The following CLASP1 variants were observed in gnomAD, a reference collection of about 807,000 sequenced individuals.
CLASP1 encodes the protein CLIP-associating protein 1.
A neutral mutation model predicts 192.3 loss-of-function variants in CLASP1; 38 were observed. That is an observed-to-expected ratio of 0.20 (90% CI 0.15 to 0.26). CLASP1 has a LOEUF of 0.26. Among genes scored for constraint, CLASP1 ranks in the 10% least tolerant of loss-of-function variants. The pLI, the probability that CLASP1 is intolerant of heterozygous loss-of-function variation, is 1.00. For synonymous variants in CLASP1, 691 were observed against 712.8 expected, an observed-to-expected ratio of 0.97 and a Z score of 0.49; for missense variants, 1,433 against 1,932.5, an observed-to-expected ratio of 0.74 and a Z score of 4.85.
intron 19 of CLASP1, among the ~76,000 whole-genome samples, chr2:121,436,780 TC>T (rs1380231571): frequency 6.6e-5 from 10 of 152,098 alleles, no homozygotes; most frequent in African/African-American, 2.4e-4. Flanking sequence ...TGCCCCATTC[TC>T]CCTCTTCTTC....
At chr2:121,398,352 A>G (rs2075627787) in exon 29 of CLASP1, 1 of 1,600,006 alleles carries the variant, frequency 6.2e-7, no homozygotes, top group South Asian at 1.1e-5. Context: ...TTTGATCCAC[A>G]ATAAATCTCA....
chr2:121,382,141 C>T (rs2071829067), intron 33 of CLASP1, 67 bp downstream of exon 34: 2 of 1,305,158 alleles, frequency 1.5e-6, no homozygotes, highest in African/African-American at 2.9e-5. Context: ...TCCCAAAGAC[C>T]TGAGACGACC....
At chr2:121,553,296 G>A (rs1168193067) in intron 2 of CLASP1, among the ~76,000 whole-genome samples, 1 of 152,120 alleles carries the variant, frequency 6.6e-6, no homozygotes, top group Non-Finnish European at 1.5e-5. Flanking sequence ...CCTGTGACAT[G>A]AGTTCACCTC....
intron 19 of CLASP1, among the ~76,000 whole-genome samples, chr2:121,432,369 C>A (rs559544326): frequency 1.3e-5 from 2 of 152,178 alleles, no homozygotes; most frequent in South Asian, 4.1e-4. Flanking sequence ...TCCACCCGCC[C>A]TGGCCTCCTA....
chr2:121,366,863 C>G (rs1331802596), intron 35 of CLASP1, among the ~76,000 whole-genome samples: 1 of 152,178 alleles, frequency 6.6e-6, no homozygotes, highest in African/African-American at 2.4e-5. Context: ...CAAATACATA[C>G]TCATCACTCA....
At chr2:121,340,995 A>T in intron 39 of CLASP1, 48 bp from the exon 41 acceptor site, 1 of 1,318,840 alleles carries the variant, frequency 7.6e-7, no homozygotes, top group Non-Finnish European at 1.1e-6. Flanking sequence ...AAGCAATCAG[A>T]AAGTAGAAAA....
intron 1 of CLASP1, among the ~76,000 whole-genome samples, chr2:121,626,478 G>A (rs2106169764): frequency 6.6e-6 from 1 of 152,334 alleles, no homozygotes. Flanking sequence ...ACCTCTGTCA[G>A]ATTGTAATTA....
chr2:121,637,414 A>G (rs988849903), intron 1 of CLASP1, among the ~76,000 whole-genome samples: 8 of 152,212 alleles, frequency 5.3e-5, no homozygotes, highest in Non-Finnish European at 7.3e-5. Context: ...ACATGAAAAA[A>G]AAAGAAGTCA....
chr2:121,515,531 A>G, intron 7 of CLASP1, 134 bp downstream of exon 7: 2 of 696,842 alleles, frequency 2.9e-6, no homozygotes, highest in Non-Finnish European at 4.9e-6. Context: ...AAAATCTCCA[A>G]CTACCCTCTA....
At chr2:121,493,978 A>G (rs2093427537) in intron 8 of CLASP1, among the ~76,000 whole-genome samples, 1 of 152,190 alleles carries the variant, frequency 6.6e-6, no homozygotes, top group South Asian at 2.1e-4. Context: ...GAGAAAAGGG[A>G]ACTCTTGTAC....
chr2:121,489,848 C>T lies in CLASP1; in HGVS notation c.712+13319G>A, dbSNP rs187150837. Among the ~76,000 whole-genome samples the T allele has an allele frequency of 2.2e-3, 330 of 152,280 alleles. 3 individuals carry two copies. The highest frequency in any genetic ancestry group is 7.3e-3 in the African/African-American group (303 of 41,556). On this transcript the variant is annotated intron_variant, in intron 8 of 39. Coordinates refer to ENST00000263710, the Ensembl canonical transcript of CLASP1. ...CATCCTTGCACTGCTATCATTTATG[C>T]TTTTCCTCTATACCTACTGGGAAAA... is the stretch of plus-strand genomic sequence containing the variant.
At chr2:121,562,169 A>T (rs1379604513) in intron 2 of CLASP1, among the ~76,000 whole-genome samples, 1 of 152,236 alleles carries the variant, frequency 6.6e-6, no homozygotes, top group Admixed American at 6.5e-5. Flanking sequence ...AAGTCTTCTT[A>T]GAGCTGGGGC....
chr2:121,524,894 G>A (rs996303791), intron 6 of CLASP1, among the ~76,000 whole-genome samples: 2 of 152,188 alleles, frequency 1.3e-5, no homozygotes, highest in African/African-American at 4.8e-5. Flanking sequence ...AGAGAAGGGA[G>A]AGACGCCTGC....
intron 23 of CLASP1, among the ~76,000 whole-genome samples, chr2:121,413,855 T>C (rs2078126661): frequency 6.6e-6 from 1 of 152,144 alleles, no homozygotes; most frequent in Admixed American, 6.5e-5. Flanking sequence ...CTAATTTTGG[T>C]TATTTTCCTG....
chr2:121,421,960 T>A (rs2079576566), intron 22 of CLASP1, among the ~76,000 whole-genome samples: 1 of 152,164 alleles, frequency 6.6e-6, no homozygotes, highest in Non-Finnish European at 1.5e-5. Context: ...ATGTTCTATG[T>A]GAAAATATGT....
chr2:121,376,526 T>TGGGGGGGGGGAAGGGG (rs61313144), intron 34 of CLASP1, among the ~76,000 whole-genome samples: 2 of 105,134 alleles, frequency 1.9e-5, no homozygotes, highest in African/African-American at 3.7e-5. Context: ...TGGGAAGGGG[T>TGGGGGGGGGGAAGGGG]GGGGGGGGGG....
chr2:121,602,469 T>C (rs1238256789), intron 2 of CLASP1, among the ~76,000 whole-genome samples: 1 of 152,178 alleles, frequency 6.6e-6, no homozygotes, highest in Non-Finnish European at 1.5e-5. Flanking sequence ...CTAAAATTTG[T>C]ATGGAACCAC....
chr2:121,566,868 ACACCCTAGAAGCCT>A (rs1354459375), intron 2 of CLASP1, among the ~76,000 whole-genome samples: 2 of 152,180 alleles, frequency 1.3e-5, no homozygotes, highest in African/African-American at 2.4e-5. Flanking sequence ...ACAACTTGGA[ACACCCTAGAAGCCT>A]GCTCAAAAAC....
chr2:121,562,134 C>A (rs546130933), intron 2 of CLASP1, among the ~76,000 whole-genome samples: 1 of 152,300 alleles, frequency 6.6e-6, no homozygotes, highest in South Asian at 2.1e-4. Flanking sequence ...AGAGAAACAG[C>A]TTGACAATCT....
Sources: gnomAD v4.1 joint callset for allele counts (sites outside exome capture counted in the v4.1 genomes callset) on GRCh38, gnomAD v4.1.1 for gene constraint, MANE v1.5 for transcripts, NCBI Gene and HGNC (gene_info 2026-07-23, HGNC 2026-07-21) for gene names.